The following THSD4 variants were observed in gnomAD, a reference collection of about 807,000 sequenced individuals.
THSD4 encodes thrombospondin type 1 domain containing 4, also known as thrombospondin type-1 domain-containing protein 4.
THSD4 carries 69 observed loss-of-function variants against 119.0 expected under a neutral mutation model. The ratio of observed to expected loss-of-function variants is 0.58; its 90% CI spans 0.48 to 0.71. THSD4 has a LOEUF of 0.71. Ranked by LOEUF, THSD4 falls within the 30% of genes least tolerant of loss-of-function variation. The pLI, the probability that THSD4 is intolerant of heterozygous loss-of-function variation, is 0.00. For synonymous variants in THSD4, 524 were observed against 540.4 expected (o/e 0.97, Z 0.42); for missense variants, 1,393 against 1,391.1 (o/e 1.00, Z -0.02).
chr15:71,372,427 TTGA>T (rs2046067291), intron 6 of THSD4, among the ~76,000 whole-genome samples: 1 of 152,230 alleles, frequency 6.6e-6, no homozygotes, highest in Non-Finnish European at 1.5e-5. Flanking sequence ...CTTTTGGTCT[TTGA>T]TGATGGTGAC....
intron 6 of THSD4, among the ~76,000 whole-genome samples, chr15:71,285,934 A>G (rs532607449): frequency 9.7e-4 from 143 of 148,164 alleles, no homozygotes; most frequent in Non-Finnish European, 1.8e-3. Context: ...TATTAATATC[A>G]TTGCAAGAAT....
intron 6 of THSD4, among the ~76,000 whole-genome samples, chr15:71,315,658 G>A (rs573378568): frequency 2.0e-5 from 3 of 152,282 alleles, no homozygotes; most frequent in South Asian, 2.1e-4. Context: ...AGGTGGCGGC[G>A]GGGAGGCTTT....
chr15:71,464,009 C>T (rs2047463384), intron 7 of THSD4, among the ~76,000 whole-genome samples: 1 of 152,204 alleles, frequency 6.6e-6, no homozygotes. Context: ...CTATAACAGG[C>T]TCTTCTGGTT....
At chr15:71,293,895 A>G (rs917258055) in intron 6 of THSD4, among the ~76,000 whole-genome samples, 13 of 152,028 alleles carry the variant, frequency 8.6e-5, no homozygotes, top group Non-Finnish European at 1.5e-5. Flanking sequence ...TGCACATGAA[A>G]CAGTCCCTCC....
chr15:71,117,570 G>C (rs1405569688), intron 1 of THSD4, among the ~76,000 whole-genome samples: 1 of 152,006 alleles, frequency 6.6e-6, no homozygotes, highest in Non-Finnish European at 1.5e-5. Flanking sequence ...GATATCTGAG[G>C]AATTATTTAC....
chr15:71,198,668 A>G (rs1207679483), intron 3 of THSD4, among the ~76,000 whole-genome samples: 3 of 152,356 alleles, frequency 2.0e-5, no homozygotes, highest in South Asian at 2.1e-4. Context: ...CTAATCTTTC[A>G]TGGTCTGCCT....
chr15:71,273,556 A>G (rs1168624380), intron 6 of THSD4, among the ~76,000 whole-genome samples: 2 of 152,226 alleles, frequency 1.3e-5, no homozygotes, highest in African/African-American at 4.8e-5. Context: ...TCTCACCACA[A>G]AGAAATAAGT....
At chr15:71,702,190 G>C (rs1042899488) in intron 8 of THSD4, among the ~76,000 whole-genome samples, 2 of 152,014 alleles carry the variant, frequency 1.3e-5, no homozygotes, top group Admixed American at 1.3e-4. Flanking sequence ...TCGTCCAGGG[G>C]CCCCCCAGAA....
chr15:71,463,296 C>T (rs530020520), intron 7 of THSD4, among the ~76,000 whole-genome samples: 22 of 152,218 alleles, frequency 1.4e-4, no homozygotes, highest in Middle Eastern at 3.4e-3. Flanking sequence ...TCTTTGTATC[C>T]AAGTCACATA....
chr15:71,351,012 C>T (rs938611205), intron 6 of THSD4, among the ~76,000 whole-genome samples: 4 of 152,162 alleles, frequency 2.6e-5, no homozygotes, highest in African/African-American at 9.7e-5. Flanking sequence ...GTGGGAACAG[C>T]TTTGTACCGG....
chr15:71,655,100 G>A (rs372619994), intron 7 of THSD4, among the ~76,000 whole-genome samples: 2 of 152,146 alleles, frequency 1.3e-5, no homozygotes, highest in Non-Finnish European at 2.9e-5. Flanking sequence ...TTCCTACAAC[G>A]TGTTGCAGAA....
At chr15:71,447,386 T>G (rs142998917) in intron 7 of THSD4, among the ~76,000 whole-genome samples, 139 of 151,946 alleles carry the variant, frequency 9.1e-4, no homozygotes, top group African/African-American at 3.1e-3. Flanking sequence ...CCACCTTGGC[T>G]TCCCAAAGTG....
At chr15:71,755,668 G>C (rs528182736) in intron 14 of THSD4, among the ~76,000 whole-genome samples, 109 of 119,306 alleles carry the variant, frequency 9.1e-4, no homozygotes, top group South Asian at 1.4e-3. Flanking sequence ...GAGATGATTC[G>C]TTAGTTCCTG....
At chr15:71,345,597 G>A (rs2045644840) in intron 6 of THSD4, among the ~76,000 whole-genome samples, 1 of 152,140 alleles carries the variant, frequency 6.6e-6, no homozygotes, top group African/African-American at 2.4e-5. Context: ...TGAGTTTTTA[G>A]TGGCTTTTCC....
At chr15:71,628,475 A>G (rs1320231479) in intron 7 of THSD4, among the ~76,000 whole-genome samples, 2 of 152,220 alleles carry the variant, frequency 1.3e-5, no homozygotes, top group Non-Finnish European at 2.9e-5. Flanking sequence ...GGGAATTTGA[A>G]GCAAGGTGCA....
intron 7 of THSD4, among the ~76,000 whole-genome samples, chr15:71,424,778 G>A (rs558238909): frequency 5.9e-5 from 9 of 152,116 alleles, no homozygotes; most frequent in Non-Finnish European, 5.9e-5. Context: ...CTGTTTTTAA[G>A]TGTTCCAAAA....
intron 7 of THSD4, among the ~76,000 whole-genome samples, chr15:71,629,880 T>C (rs1223924175): frequency 6.6e-6 from 1 of 152,208 alleles, no homozygotes; most frequent in African/African-American, 2.4e-5. Context: ...CGGGTTACTC[T>C]GGCTGTAAGG....
chr15:71,446,310 T>C (rs1455130271), intron 7 of THSD4, among the ~76,000 whole-genome samples: 4 of 152,354 alleles, frequency 2.6e-5, no homozygotes, highest in Middle Eastern at 3.4e-3. Flanking sequence ...TTCCTTTATT[T>C]AGCATTGCCC....
chr15:71,651,984 C>T (rs777065383), intron 7 of THSD4, among the ~76,000 whole-genome samples: 57 of 152,334 alleles, frequency 3.7e-4, no homozygotes, highest in Admixed American at 3.9e-4. Flanking sequence ...GGGACGGTCC[C>T]GTGAGAGCCT....
Sources: allele counts gnomAD v4.1 joint callset (sites outside exome capture counted in the v4.1 genomes callset), GRCh38; gene constraint gnomAD v4.1.1; transcripts MANE v1.5; gene names NCBI Gene and HGNC (gene_info 2026-07-23, HGNC 2026-07-21).